LPA: variants seen among roughly 807,000 people sequenced by gnomAD.
The protein encoded by LPA is apolipoprotein(a).
Under a neutral mutation model 197.9 loss-of-function variants are expected in LPA, and 199 were observed. The observed-to-expected ratio is 1.01, with a 90% CI of 0.90 to 1.13. The LOEUF (loss-of-function observed/expected upper bound fraction) is 1.13, where lower values mean the gene tolerates loss of function less well. Ranked by LOEUF, LPA falls within the 50% of genes most tolerant of loss-of-function variation. LPA has a pLI of 0.00. For missense variants in LPA, 1,853 were observed against 1,785.8 expected (o/e 1.04, Z -0.68); for synonymous variants, 715 against 639.5 (o/e 1.12, Z -1.78).
At position 160,658,564 on chromosome 6, in the gene LPA, T is replaced by G. The variant is rs544618768; in HGVS notation, c.49+5602A>C. 3.9e-3 allele frequency among the ~76,000 whole-genome samples: 589 copies of G among 152,284 alleles called. 5 individuals are homozygous for G. The highest frequency in any genetic ancestry group is 0.014 in the African/African-American group (564 of 41,552). On this transcript the variant is annotated intron_variant, in intron 1 of 38. Transcript: ENST00000316300. ...TCATTATGTTCCTTGGTTCTCCACATATAGTCAAAGGTATTATGTATAGAG... is the reference window on the plus strand; with the variant it reads ...TCATTATGTTCCTTGGTTCTCCACAGATAGTCAAAGGTATTATGTATAGAG...
chr6:160,547,969 T>C lies in LPA; in HGVS notation c.5156-32A>G, dbSNP rs770697709. On this transcript the variant is annotated intron_variant, in intron 31 of 38. Coordinates refer to ENST00000316300, the MANE Select transcript of LPA (RefSeq NM_005577.4). ...AAAAAAATAAAAATAAAACAGATGATTACAGACAGCCAGGCAGCCACATAG... is the reference window on the plus strand; with the variant it reads ...AAAAAAATAAAAATAAAACAGATGACTACAGACAGCCAGGCAGCCACATAG... 4 of 1,612,032 alleles carry C rather than the reference T, an allele frequency of 2.5e-6. No individual in the cohort carries two copies. The South Asian group carries it at 4.4e-5, about 18-fold the overall frequency.
At chr6:160,588,360 G>C (rs1390948071) in intron 24 of LPA, among the ~76,000 whole-genome samples, 1 of 151,952 alleles carries the variant, frequency 6.6e-6, no homozygotes, top group Non-Finnish European at 1.5e-5. Flanking sequence ...GAGTCACCTT[G>C]ATTCTAGGAA....
intron 30 of LPA, among the ~76,000 whole-genome samples, chr6:160,555,010 C>T (rs1778230922): frequency 6.6e-6 from 1 of 152,010 alleles, no homozygotes; most frequent in African/African-American, 2.4e-5. Context: ...TCTTGTCCAA[C>T]ATGTGGAAAG....
intron 25 of LPA, 106 bp from the exon 26 acceptor site, chr6:160,585,311 T>C: frequency 9.8e-7 from 1 of 1,023,998 alleles, no homozygotes; most frequent in Non-Finnish European, 1.6e-6. Flanking sequence ...CAATTTACAC[T>C]CTTCTATATT....
chr6:160,546,544 A>G (rs1241072612), intron 32 of LPA, among the ~76,000 whole-genome samples: 3 of 152,218 alleles, frequency 2.0e-5, no homozygotes, highest in Non-Finnish European at 2.9e-5. Flanking sequence ...ATGGAGGGTC[A>G]TATAGAAAAA....
At chr6:160,557,238 A>C (rs184372256) in intron 29 of LPA, 152 bp downstream of exon 29, 2 of 903,818 alleles carry the variant, frequency 2.2e-6, no homozygotes, top group Admixed American at 2.2e-5. Context: ...TGCGCCAAAA[A>C]TTGCTCCACC....
intron 28 of LPA, among the ~76,000 whole-genome samples, chr6:160,574,478 GT>G (rs1199527841): frequency 1.3e-5 from 2 of 152,070 alleles, no homozygotes; most frequent in Non-Finnish European, 1.5e-5. Flanking sequence ...TCCATGTGGA[GT>G]TTTACCCTCT....
At chr6:160,608,715 G>T (rs1264676862) in intron 16 of LPA, among the ~76,000 whole-genome samples, 1 of 151,778 alleles carries the variant, frequency 6.6e-6, no homozygotes. Context: ...CCAATCTCCC[G>T]TTCTCTTTTC....
At chr6:160,573,345 CT>C (rs200682905) in intron 28 of LPA, among the ~76,000 whole-genome samples, 146 of 145,390 alleles carry the variant, frequency 1.0e-3, no homozygotes, top group Admixed American at 1.1e-3. Context: ...CTTCTTATAC[CT>C]TTTTTTTTTT....
intron 16 of LPA, among the ~76,000 whole-genome samples, chr6:160,609,283 G>C (rs749695439): frequency 2.6e-5 from 4 of 151,694 alleles, no homozygotes; most frequent in African/African-American, 9.7e-5. Flanking sequence ...GATCTTCAAG[G>C]CATTTTATTG....
chr6:160,652,309 G>GA (rs1780022429), intron 1 of LPA, among the ~76,000 whole-genome samples: 1 of 152,168 alleles, frequency 6.6e-6, no homozygotes, highest in Non-Finnish European at 1.5e-5. Context: ...GGCAGTCAGA[G>GA]AAAAAGGAAC....
chr6:160,647,212 G>A (rs182338673), intron 2 of LPA, among the ~76,000 whole-genome samples: 4 of 152,266 alleles, frequency 2.6e-5, no homozygotes, highest in East Asian at 1.9e-4. Flanking sequence ...AAGGAAGATG[G>A]CAGGAAGACT....
chr6:160,544,568 T>A (rs1398962179), intron 33 of LPA, among the ~76,000 whole-genome samples: 3 of 152,104 alleles, frequency 2.0e-5, no homozygotes, highest in African/African-American at 7.2e-5. Context: ...CTGTACCACC[T>A]CCCCAGGCAA....
Position 160,531,623 on chromosome 6 carries a change from G to A in LPA, c.*106C>T, listed in dbSNP as rs1201294937. 1.4e-6 allele frequency: 2 copies of A among 1,473,100 alleles called. No homozygotes were observed. The highest frequency in any genetic ancestry group is 3.4e-5 in the Admixed American group (2 of 59,092). The allele number at this position is 1,473,100 out of a possible 1,614,324, so 91.3% of individuals were successfully genotyped here. ...AAGGTTTGGCATAGCTGGTAGCTGGGAACAGTGTCTTCGTTTGATTGCTGT... is the reference window on the plus strand; with the variant it reads ...AAGGTTTGGCATAGCTGGTAGCTGGAAACAGTGTCTTCGTTTGATTGCTGT... On this transcript the variant is annotated 3_prime_UTR_variant, in exon 39 of 39. Coordinates refer to ENST00000316300, the MANE Select transcript of LPA (RefSeq NM_005577.4).
At position 160,585,417 on chromosome 6, in the gene LPA, AAAAC is replaced by A. The variant is rs1341594891; in HGVS notation, c.4130-216_4130-213del. Among the ~76,000 whole-genome samples the A allele has an allele frequency of 4.6e-5, 7 of 152,298 alleles. No individual in the cohort carries two copies. The South Asian group carries it at 1.0e-3, about 23-fold the overall frequency. On this transcript the variant is annotated intron_variant, in intron 25 of 38. Transcript: ENST00000316300. ...CATAAATATTTTAATTCAACCCTGGAAAACAAACAAACAAAGAAACAAACAAAAA... is the reference window on the plus strand; with the variant it reads ...CATAAATATTTTAATTCAACCCTGGAAAACAAACAAAGAAACAAACAAAAA...
At chr6:160,542,062 C>G (rs112026956) in intron 34 of LPA, among the ~76,000 whole-genome samples, 1 of 152,128 alleles carries the variant, frequency 6.6e-6, no homozygotes, top group Non-Finnish European at 1.5e-5. Context: ...GGTCTGTGTC[C>G]TATGTGTTCT....
intron 1 of LPA, among the ~76,000 whole-genome samples, chr6:160,663,868 T>C (rs75694417): frequency 0.014 from 2,081 of 152,336 alleles, 31 homozygotes; most frequent in Middle Eastern, 0.051. Flanking sequence ...ATCCTTTGCA[T>C]AGTTAGCTAC....
At position 160,540,142 on chromosome 6, in the gene LPA, T is replaced by C; in HGVS notation, c.5636A>G (p.His1879Arg). Reference sequence around the variant, plus strand: ...ATGAGATTCGAGGTTCACTTCTTGGTGTGCACCCAGGATGACCTTGTAGGA... The same window carrying C: ...ATGAGATTCGAGGTTCACTTCTTGGCGTGCACCCAGGATGACCTTGTAGGA... ...PSSYKVILGA[H>R]QEVNLESHVQ... Residue 1879 changes from histidine (H) to arginine (R), a missense_variant, in exon 36 of 39, where the codon CAC becomes CGC. His to Arg is a conservative substitution (Grantham distance 29). This residue lies in a region of LPA where 1,737 missense variants were observed against 1,504.4 expected (regional missense o/e 1.15). Transcript: ENST00000316300. The C allele has an allele frequency of 6.2e-7, 1 of 1,614,144 alleles. No homozygotes were observed. Among genetic ancestry groups the C allele is most frequent in the Admixed American group, 1.7e-5 (1 of 60,028 alleles).
chr6:160,553,952 T>TGTGTGTGTGTGTGTGC (rs1362760105), intron 30 of LPA, among the ~76,000 whole-genome samples: 1 of 117,164 alleles, frequency 8.5e-6, no homozygotes, highest in Non-Finnish European at 1.8e-5. Flanking sequence ...TGTGTGTGTG[T>TGTGTGTGTGTGTGTGC]GTGCGCGCGC....
Sources: gnomAD v4.1 joint callset for allele counts (sites outside exome capture counted in the v4.1 genomes callset) on GRCh38, gnomAD v4.1.1 for gene constraint, gnomAD v4.1.1 regional missense constraint, MANE v1.5 for transcripts, NCBI Gene and HGNC (gene_info 2026-07-23, HGNC 2026-07-21) for gene names.